Variants in ANO3 observed in about 807,000 individuals in gnomAD.
ANO3 encodes anoctamin-3.
ANO3 carries 99 observed loss-of-function variants against 144.8 expected under a neutral mutation model. The ratio of observed to expected loss-of-function variants is 0.68; its 90% CI spans 0.58 to 0.81. ANO3 has a LOEUF of 0.81. ANO3 is among the 30% of genes least tolerant of loss of function. The pLI is 0.00. For synonymous variants in ANO3, 414 were observed against 392.6 expected, an observed-to-expected ratio of 1.05 and a Z score of -0.64; for missense variants, 905 against 1,202.2, an observed-to-expected ratio of 0.75 and a Z score of 3.66.
At chr11:26,279,622 GCT>G (rs1853634725) in intron 1 of ANO3, among the ~76,000 whole-genome samples, 1 of 152,184 alleles carries the variant, frequency 6.6e-6, no homozygotes, top group South Asian at 2.1e-4. Flanking sequence ...ATTTCTGTGA[GCT>G]CTGTTTCAAG....
At chr11:26,518,950 C>T (rs1472475559) in intron 6 of ANO3, among the ~76,000 whole-genome samples, 2 of 151,970 alleles carry the variant, frequency 1.3e-5, no homozygotes, top group Non-Finnish European at 2.9e-5. Flanking sequence ...TCCACAAGTT[C>T]TAATTTGACT....
chr11:26,345,847 G>A lies in ANO3; in HGVS notation c.46+13526G>A, dbSNP rs908419182. On this transcript the variant is annotated intron_variant, in intron 1 of 26. Transcript: ENST00000256737. ...TTGTTTCAAAAATATGCCAAAATAGGTACTATTAGCTCTGTTTTGCCGAAG... is the reference window on the plus strand; with the variant it reads ...TTGTTTCAAAAATATGCCAAAATAGATACTATTAGCTCTGTTTTGCCGAAG... Among the ~76,000 whole-genome samples, 82 of 152,126 alleles carry A rather than the reference G, an allele frequency of 5.4e-4. 2 individuals carry two copies. The highest frequency in any genetic ancestry group is 2.1e-4 in the Non-Finnish European group (14 of 68,032).
chr11:26,659,147 G>A (rs1388434804), intron 26 of ANO3, among the ~76,000 whole-genome samples: 2 of 145,290 alleles, frequency 1.4e-5, no homozygotes, highest in Non-Finnish European at 3.0e-5. Flanking sequence ...TATTGTGTAT[G>A]TGTATTTGTG....
chr11:26,228,893 G>T (rs1013003748), intron 1 of ANO3, among the ~76,000 whole-genome samples: 6 of 152,126 alleles, frequency 3.9e-5, no homozygotes, highest in African/African-American at 1.2e-4. Flanking sequence ...TAGATAAATT[G>T]TCAAACTTGG....
chr11:26,200,652 G>A (rs901500590), intron 1 of ANO3, among the ~76,000 whole-genome samples: 3 of 152,058 alleles, frequency 2.0e-5, no homozygotes, highest in Non-Finnish European at 4.4e-5. Context: ...CAGAGAACCA[G>A]GGCAGCCATG....
At chr11:26,355,426 A>G (rs1418449934) in intron 1 of ANO3, among the ~76,000 whole-genome samples, 1 of 151,950 alleles carries the variant, frequency 6.6e-6, no homozygotes, top group Non-Finnish European at 1.5e-5. Flanking sequence ...ATTCTGGATC[A>G]TACTTTCTTT....
chr11:26,339,186 C>A (rs1219685589), intron 1 of ANO3, among the ~76,000 whole-genome samples: 2 of 150,716 alleles, frequency 1.3e-5, no homozygotes, highest in African/African-American at 4.9e-5. Context: ...TGGAGTCTGG[C>A]TCTTGTTGCC....
intron 14 of ANO3, among the ~76,000 whole-genome samples, chr11:26,569,875 A>C (rs1294011256): frequency 6.6e-6 from 1 of 152,046 alleles, no homozygotes; most frequent in Non-Finnish European, 1.5e-5. Flanking sequence ...GGATGAAAGA[A>C]AAGTAGAATT....
intron 4 of ANO3, among the ~76,000 whole-genome samples, chr11:26,463,523 C>A (rs1213899433): frequency 6.6e-6 from 1 of 151,560 alleles, no homozygotes; most frequent in Non-Finnish European, 1.5e-5. Flanking sequence ...CTTGATAAGG[C>A]TAATTAAACT....
chr11:26,362,807 A>C (rs1291272916), intron 1 of ANO3, among the ~76,000 whole-genome samples: 1 of 152,166 alleles, frequency 6.6e-6, no homozygotes, highest in African/African-American at 2.4e-5. Context: ...CCATGAGGGA[A>C]GGTGTCATAT....
At chr11:26,355,010 TC>T (rs754839007) in intron 1 of ANO3, among the ~76,000 whole-genome samples, 465 of 6,546 alleles carry the variant, frequency 0.071, 8 homozygotes, top group Admixed American at 0.29. Context: ...AAATTGTAAC[TC>T]TTTTTTTTTT....
At chr11:26,359,876 A>AGTGTGTGTGTGTGTGTGT (rs142194688) in intron 1 of ANO3, among the ~76,000 whole-genome samples, 3 of 149,498 alleles carry the variant, frequency 2.0e-5, no homozygotes, top group South Asian at 2.1e-4. Flanking sequence ...ATGTCAGACT[A>AGTGTGTGTGTGTGTGTGT]GTGTGTGTGT....
At chr11:26,214,742 A>G (rs867603487) in intron 1 of ANO3, among the ~76,000 whole-genome samples, 2 of 151,944 alleles carry the variant, frequency 1.3e-5, no homozygotes, top group African/African-American at 2.4e-5. Context: ...ATGAACCAAT[A>G]TTGATATATT....
At chr11:26,591,241 T>C (rs1245922763) in intron 14 of ANO3, among the ~76,000 whole-genome samples, 2 of 152,048 alleles carry the variant, frequency 1.3e-5, no homozygotes, top group African/African-American at 2.4e-5. Flanking sequence ...CAAGTGATGT[T>C]GGGGAGGTTG....
At chr11:26,405,794 C>T (rs1393338964) in intron 1 of ANO3, among the ~76,000 whole-genome samples, 2 of 151,844 alleles carry the variant, frequency 1.3e-5, no homozygotes, top group African/African-American at 2.4e-5. Context: ...TTCAGATTCT[C>T]GGACCCTTCC....
At position 26,212,843 on chromosome 11, in the gene ANO3, G is replaced by A. The variant is rs1851962105; in HGVS notation, c.154+23513G>A. 2.6e-5 allele frequency among the ~76,000 whole-genome samples: 4 copies of A among 151,950 alleles called. No homozygotes were observed. In the South Asian group the frequency reaches 8.3e-4, roughly 31 times the overall value. On this transcript the variant is annotated intron_variant, in intron 1 of 27. Transcript: ENST00000672621. ...ACACAACAAAAAAATGTAAATTTCA[G>A]GCCAATATCCCTGATGAACATTAAT... is the stretch of plus-strand genomic sequence containing the variant.
Position 26,302,457 on chromosome 11 carries a change from T to A in ANO3, c.155-7188T>A, listed in dbSNP as rs1490670246. Reference sequence around the variant, plus strand: ...TTGCAGTGAGGTGAGATGGCGCCACTGCACTTCAGCCTGGCAACAGAGTGA... The same window carrying A: ...TTGCAGTGAGGTGAGATGGCGCCACAGCACTTCAGCCTGGCAACAGAGTGA... On this transcript the variant is annotated intron_variant, in intron 1 of 27. Coordinates refer to the ANO3 transcript ENST00000672621. Among the ~76,000 whole-genome samples the A allele has an allele frequency of 4.6e-5, 7 of 152,280 alleles. No individual in the cohort carries two copies. In the East Asian group the frequency reaches 1.2e-3, roughly 25 times the overall value.
chr11:26,394,575 T>C (rs1480161698), intron 1 of ANO3, among the ~76,000 whole-genome samples: 4 of 147,900 alleles, frequency 2.7e-5, no homozygotes, highest in Non-Finnish European at 6.0e-5. Context: ...ATTTTCTTTT[T>C]TTTTTTTTTT....
At chr11:26,374,660 C>A (rs555495980) in intron 1 of ANO3, among the ~76,000 whole-genome samples, 6 of 152,202 alleles carry the variant, frequency 3.9e-5, no homozygotes, top group African/African-American at 1.4e-4. Flanking sequence ...CTATCTCCAG[C>A]CTTGTTGACA....
Sources: gnomAD v4.1 joint callset for allele counts (sites outside exome capture counted in the v4.1 genomes callset) on GRCh38, gnomAD v4.1.1 for gene constraint, MANE v1.5 for transcripts, NCBI Gene and HGNC (gene_info 2026-07-23, HGNC 2026-07-21) for gene names.